FAM117A: variants seen among roughly 807,000 people sequenced by gnomAD.
FAM117A encodes family with sequence similarity 117 member A, also known as protein FAM117A.
A neutral mutation model predicts 44.1 loss-of-function variants in FAM117A; 21 were observed. That is an observed-to-expected ratio of 0.48 (90% CI 0.34 to 0.69). The LOEUF (loss-of-function observed/expected upper bound fraction) is 0.69, where lower values mean the gene tolerates loss of function less well. Among genes scored for constraint, FAM117A ranks in the 30% least tolerant of loss-of-function variants. The probability of loss-of-function intolerance (pLI) is 0.01; values close to 1 mark genes in which losing one functional copy is unlikely to be tolerated. For synonymous variants in FAM117A, 220 were observed against 238.3 expected (o/e 0.92, Z 0.71); for missense variants, 498 against 589.9 (o/e 0.84, Z 1.61).
At chr17:49,772,899 C>T (rs994024568) in intron 1 of FAM117A, among the ~76,000 whole-genome samples, 5 of 152,094 alleles carry the variant, frequency 3.3e-5, no homozygotes, top group African/African-American at 1.2e-4. Flanking sequence ...TGGCCAGGCG[C>T]GGTGGCTCAT....
chr17:49,742,977 G>C (rs930514162), intron 1 of FAM117A, among the ~76,000 whole-genome samples: 1 of 152,174 alleles, frequency 6.6e-6, no homozygotes, highest in East Asian at 1.9e-4. Context: ...GGAAGAGAGG[G>C]CTGAGCTTCC....
chr17:49,730,447 C>T (rs1381259501), intron 2 of FAM117A, among the ~76,000 whole-genome samples: 1 of 152,226 alleles, frequency 6.6e-6, no homozygotes, highest in Admixed American at 6.5e-5. Context: ...ACCCTGCCTT[C>T]AGTTGACAAA....
intron 1 of FAM117A, among the ~76,000 whole-genome samples, chr17:49,751,156 T>C (rs1183459221): frequency 1.3e-5 from 2 of 151,140 alleles, no homozygotes; most frequent in Non-Finnish European, 2.9e-5. Context: ...GGTGTGTGCC[T>C]GTAATCCCAG....
intron 1 of FAM117A, among the ~76,000 whole-genome samples, chr17:49,740,977 C>A (rs1432916394): frequency 6.6e-6 from 1 of 152,136 alleles, no homozygotes; most frequent in Non-Finnish European, 1.5e-5. Context: ...GGGAAACAAG[C>A]CCCTGACCAG....
At chr17:49,741,620 C>T (rs1412823377) in intron 1 of FAM117A, among the ~76,000 whole-genome samples, 1 of 152,068 alleles carries the variant, frequency 6.6e-6, no homozygotes, top group African/African-American at 2.4e-5. Context: ...CTGTCCTGTC[C>T]TAGTTGTGAT....
At chr17:49,727,897 C>G (rs977208757) in intron 2 of FAM117A, among the ~76,000 whole-genome samples, 4 of 152,202 alleles carry the variant, frequency 2.6e-5, no homozygotes, top group Non-Finnish European at 5.9e-5. Context: ...GACTGTCAAG[C>G]AGCATGGTGC....
In FAM117A at chr17:49,711,535, G is replaced by T. The variant is rs1317387496; in HGVS notation, c.1082C>A (p.Ala361Asp). ...CTTGTCAGGACAGGAAGTCAGGAAG[G>T]CCAGGTCAGGACCTGGAGACCTGGA... Reference protein sequence around the residue: ...EEATSPGPDLAFLTSCPDKNK... With the variant: ...EEATSPGPDLDFLTSCPDKNK... The change falls in exon 8 of 8, where the codon GCC becomes GAC. Residue 361 changes from alanine (A) to aspartate (D), a missense_variant. Physicochemically the swap from Ala to Asp is moderately radical, Grantham distance 126. Around this residue, in one of 3 missense-constraint regions of FAM117A, gnomAD observed 224 missense variants for 296.5 expected, o/e 0.76. Transcript: ENST00000240364. 5.0e-6 allele frequency: 8 copies of T among 1,613,862 alleles called. No homozygotes were observed. In the East Asian group the frequency reaches 1.8e-4, roughly 36 times the overall value.
chr17:49,779,790 G>A (rs1303275004), intron 1 of FAM117A, among the ~76,000 whole-genome samples: 15 of 152,186 alleles, frequency 9.9e-5, no homozygotes, highest in Non-Finnish European at 1.5e-5. Flanking sequence ...AGCCATTGGA[G>A]AAGAGGGTCA....
chr17:49,782,350 C>T (rs1598040106), intron 1 of FAM117A, among the ~76,000 whole-genome samples: 1 of 121,920 alleles, frequency 8.2e-6, no homozygotes, highest in African/African-American at 3.2e-5. Flanking sequence ...GCACTCCAGC[C>T]TGGGTGACAG....
At chr17:49,760,680 C>T (rs563887356) in intron 1 of FAM117A, among the ~76,000 whole-genome samples, 3 of 152,278 alleles carry the variant, frequency 2.0e-5, no homozygotes, top group Non-Finnish European at 2.9e-5. Flanking sequence ...ACATTATCTT[C>T]ATTTTAGGGA....
intron 2 of FAM117A, among the ~76,000 whole-genome samples, chr17:49,723,483 C>G (rs986345275): frequency 1.3e-5 from 2 of 152,194 alleles, no homozygotes; most frequent in African/African-American, 4.8e-5. Context: ...TCCCCACCAC[C>G]AGTATCCCTA....
chr17:49,757,126 G>GGGGAGCT (rs1239501525), intron 1 of FAM117A, among the ~76,000 whole-genome samples: 4 of 151,766 alleles, frequency 2.6e-5, no homozygotes, highest in Non-Finnish European at 5.9e-5. Flanking sequence ...CCCTTTTATT[G>GGGGAGCT]GGGAGCTGGG....
chr17:49,737,855 C>A (rs550005933), intron 1 of FAM117A, among the ~76,000 whole-genome samples: 1 of 152,216 alleles, frequency 6.6e-6, no homozygotes, highest in South Asian at 2.1e-4. Context: ...TCCAAGCCTC[C>A]TTCCTCCTAA....
intron 1 of FAM117A, among the ~76,000 whole-genome samples, chr17:49,777,841 G>A (rs1285712696): frequency 6.6e-6 from 1 of 152,118 alleles, no homozygotes; most frequent in Non-Finnish European, 1.5e-5. Context: ...CACCTTCCGG[G>A]ATTTTCCCTT....
At chr17:49,766,099 A>G (rs1413592371), upstream of FAM117A, among the ~76,000 whole-genome samples, 2 of 152,120 alleles carry the variant, frequency 1.3e-5, no homozygotes, top group Non-Finnish European at 2.9e-5. Context: ...TATCTTATTT[A>G]TTGCTCAAGA....
At chr17:49,717,457 T>C in intron 6 of FAM117A, 56 bp downstream of exon 6, 2 of 1,518,704 alleles carry the variant, frequency 1.3e-6, no homozygotes, top group Non-Finnish European at 1.8e-6. Flanking sequence ...GAAAAGGGAG[T>C]GGAGCCACTC....
intron 1 of FAM117A, among the ~76,000 whole-genome samples, chr17:49,740,348 C>G (rs1333296565): frequency 6.6e-6 from 1 of 151,790 alleles, no homozygotes. Flanking sequence ...CTCCCGGGTT[C>G]ACGCCATTCT....
intron 7 of FAM117A, among the ~76,000 whole-genome samples, chr17:49,712,118 C>T (rs774596312): frequency 5.9e-5 from 9 of 152,168 alleles, no homozygotes; most frequent in Non-Finnish European, 1.0e-4. Context: ...TGCACTCCAG[C>T]CTGGGCAACA....
chr17:49,755,015 GC>G (rs1193936524), intron 1 of FAM117A, among the ~76,000 whole-genome samples: 1 of 134,380 alleles, frequency 7.4e-6, no homozygotes, highest in Non-Finnish European at 1.5e-5. Context: ...TCCAGCCTGG[GC>G]AACAAAAGTG....
Sources: gnomAD v4.1 joint callset for allele counts (sites outside exome capture counted in the v4.1 genomes callset) on GRCh38, gnomAD v4.1.1 for gene constraint, gnomAD v4.1.1 regional missense constraint, MANE v1.5 for transcripts, NCBI Gene and HGNC (gene_info 2026-07-23, HGNC 2026-07-21) for gene names.